The following CTNNA2 variants were observed in gnomAD, a reference collection of about 807,000 sequenced individuals.
CTNNA2 encodes the protein catenin alpha-2.
CTNNA2 carries 42 observed loss-of-function variants against 101.0 expected under a neutral mutation model. The observed-to-expected ratio is 0.42, with a 90% CI of 0.32 to 0.54. The LOEUF (loss-of-function observed/expected upper bound fraction) is 0.54. Among genes scored for constraint, CTNNA2 ranks in the 20% least tolerant of loss-of-function variants. CTNNA2 has a pLI of 0.14. For synonymous variants in CTNNA2, 450 were observed against 456.4 expected (o/e 0.99, Z 0.18); for missense variants, 871 against 1,223.1 (o/e 0.71, Z 4.29).
At chr2:80,012,203 G>A (rs1294042416) in intron 7 of CTNNA2, among the ~76,000 whole-genome samples, 1 of 152,090 alleles carries the variant, frequency 6.6e-6, no homozygotes, top group Non-Finnish European at 1.5e-5. Flanking sequence ...CTTTGTCCAT[G>A]TTTGATAAAC....
At chr2:80,284,226 A>T (rs1260938921) in intron 7 of CTNNA2, among the ~76,000 whole-genome samples, 2 of 152,132 alleles carry the variant, frequency 1.3e-5, no homozygotes, top group Admixed American at 6.6e-5. Context: ...TTGGAGGATA[A>T]GGGGCCCTAA....
chr2:80,252,498 TA>T (rs939780315), intron 7 of CTNNA2, among the ~76,000 whole-genome samples: 144 of 152,272 alleles, frequency 9.5e-4, no homozygotes, highest in African/African-American at 3.4e-3. Flanking sequence ...ATAGATGCAG[TA>T]AATTTGATCA....
chr2:79,227,891 C>A (rs1674440949), intron 2 of CTNNA2, among the ~76,000 whole-genome samples: 1 of 152,164 alleles, frequency 6.6e-6, no homozygotes, highest in South Asian at 2.1e-4. Context: ...CCAAGTGGTT[C>A]TTCAACCCAC....
At chr2:79,962,998 G>C (rs1223636205) in intron 7 of CTNNA2, among the ~76,000 whole-genome samples, 5 of 149,196 alleles carry the variant, frequency 3.4e-5, no homozygotes, top group African/African-American at 1.2e-4. Flanking sequence ...GTGAACCCGG[G>C]AGGCGGAACT....
At chr2:79,931,375 C>G (rs7597296) in intron 7 of CTNNA2, among the ~76,000 whole-genome samples, 55 of 151,998 alleles carry the variant, frequency 3.6e-4, no homozygotes, top group African/African-American at 1.3e-3. Flanking sequence ...TCCCCTTTAC[C>G]CCATTATCCC....
chr2:79,822,839 G>T (rs116324330), intron 3 of CTNNA2, among the ~76,000 whole-genome samples: 2,038 of 152,134 alleles, frequency 0.013, 58 homozygotes, highest in African/African-American at 0.046. Flanking sequence ...CCTGAGCATA[G>T]CCTATAAGGC....
intron 8 of CTNNA2, among the ~76,000 whole-genome samples, chr2:80,396,421 G>T (rs1056021143): frequency 6.6e-6 from 1 of 152,144 alleles, no homozygotes; most frequent in Admixed American, 6.5e-5. Context: ...GGCACAGCAG[G>T]CCCTGTGTCT....
intron 4 of CTNNA2, among the ~76,000 whole-genome samples, chr2:79,858,436 G>A (rs1320273096): frequency 6.6e-6 from 1 of 151,900 alleles, no homozygotes; most frequent in Non-Finnish European, 1.5e-5. Context: ...CTTACTTCCT[G>A]GAATGTGTAA....
intron 2 of CTNNA2, among the ~76,000 whole-genome samples, chr2:79,695,038 G>A (rs1442489191): frequency 7.4e-6 from 1 of 134,500 alleles, no homozygotes; most frequent in African/African-American, 2.8e-5. Context: ...TTTTTTTTTT[G>A]GGGTATTATG....
intron 3 of CTNNA2, among the ~76,000 whole-genome samples, chr2:79,818,458 G>T (rs761054481): frequency 1.3e-5 from 2 of 151,090 alleles, no homozygotes; most frequent in Non-Finnish European, 3.0e-5. Flanking sequence ...GATTACAGGC[G>T]CCCGCCACCA....
At chr2:79,365,636 G>A (rs1677730788) in intron 3 of CTNNA2, among the ~76,000 whole-genome samples, 1 of 149,352 alleles carries the variant, frequency 6.7e-6, no homozygotes, top group Non-Finnish European at 1.5e-5. Context: ...AAAAAAAAAG[G>A]AGAAAAAGGA....
chr2:79,953,972 G>A (rs1227040410), intron 7 of CTNNA2, among the ~76,000 whole-genome samples: 2 of 152,120 alleles, frequency 1.3e-5, no homozygotes, highest in Non-Finnish European at 2.9e-5. Context: ...TTTTCACACT[G>A]CTATCTAGAC....
At chr2:79,582,766 A>G (rs1171599671) in intron 1 of CTNNA2, among the ~76,000 whole-genome samples, 1 of 152,142 alleles carries the variant, frequency 6.6e-6, no homozygotes, top group Non-Finnish European at 1.5e-5. Flanking sequence ...GGTATAATTA[A>G]CATTCAGTAA....
At chr2:79,981,889 C>G (rs1048895965) in intron 7 of CTNNA2, among the ~76,000 whole-genome samples, 1 of 151,748 alleles carries the variant, frequency 6.6e-6, no homozygotes, top group Non-Finnish European at 1.5e-5. Flanking sequence ...GATCCGTAAC[C>G]CAGAATTAGC....
chr2:80,440,022 T>A (rs1156506555), intron 9 of CTNNA2, among the ~76,000 whole-genome samples: 1 of 152,158 alleles, frequency 6.6e-6, no homozygotes, highest in Non-Finnish European at 1.5e-5. Context: ...ATATAACTTA[T>A]GTAATAGAAG....
Position 79,810,676 on chromosome 2 carries a change from C to A in CTNNA2, c.299-47337C>A, listed in dbSNP as rs55803051. Among the ~76,000 whole-genome samples the A allele has an allele frequency of 5.9e-3, 896 of 151,586 alleles. 6 individuals are homozygous for A. The highest frequency in any genetic ancestry group is 0.021 in the African/African-American group (860 of 41,142). On this transcript the variant is annotated intron_variant, in intron 3 of 18. Coordinates refer to ENST00000402739, the MANE Select transcript of CTNNA2 (RefSeq NM_001282597.3). ...ATATCTCCTAATGCTATACCTCCCC[C>A]CTCCCCCCACTCCACAACAGGCCCT...
chr2:79,318,149 T>C lies in CTNNA2; in HGVS notation c.-318+5353T>C, dbSNP rs12622095. ...AATATAAATACTTCGATTGTATTGA[T>C]TTTAACATGTATAGATAGAATGTTA... On this transcript the variant is annotated intron_variant, in intron 3 of 21. Coordinates refer to the CTNNA2 transcript ENST00000466387. Among the ~76,000 whole-genome samples the C allele has an allele frequency of 2.6e-3, 394 of 152,226 alleles. 9 individuals carry two copies. In the East Asian group the frequency reaches 0.062, roughly 24 times the overall value.
chr2:79,279,007 G>T (rs1675290612), intron 2 of CTNNA2, among the ~76,000 whole-genome samples: 1 of 152,092 alleles, frequency 6.6e-6, no homozygotes, highest in South Asian at 2.1e-4. Flanking sequence ...GGGTGATTAT[G>T]GGAGATGATG....
chr2:79,824,492 T>C (rs1201568024), intron 3 of CTNNA2, among the ~76,000 whole-genome samples: 1 of 103,192 alleles, frequency 9.7e-6, no homozygotes, highest in East Asian at 2.5e-4. Flanking sequence ...CCAGTTGTCT[T>C]TCCAGGAGCA....
Sources: allele counts gnomAD v4.1 joint callset (sites outside exome capture counted in the v4.1 genomes callset), GRCh38; gene constraint gnomAD v4.1.1; transcripts MANE v1.5; gene names NCBI Gene and HGNC (gene_info 2026-07-23, HGNC 2026-07-21).